Variants in ADAMTSL1 observed in about 807,000 individuals in gnomAD.
The protein encoded by ADAMTSL1 is ADAMTS like 1, also known as ADAMTS-like protein 1.
ADAMTSL1 carries 126 observed loss-of-function variants against 201.8 expected under a neutral mutation model. The observed-to-expected ratio is 0.62, with a 90% confidence interval of 0.54 to 0.72. The LOEUF (loss-of-function observed/expected upper bound fraction) is 0.72, where lower values mean the gene tolerates loss of function less well. Among genes scored for constraint, ADAMTSL1 ranks in the 30% least tolerant of loss-of-function variants. The pLI, the probability that ADAMTSL1 is intolerant of heterozygous loss-of-function variation, is 0.00. For missense variants in ADAMTSL1, 2,679 were observed against 2,277.8 expected, an observed-to-expected ratio of 1.18 and a Z score of -3.59; for synonymous variants, 1,121 against 903.4, an observed-to-expected ratio of 1.24 and a Z score of -4.32.
chr9:18,720,527 T>C (rs1246291298), intron 14 of ADAMTSL1, among the ~76,000 whole-genome samples: 1 of 152,252 alleles, frequency 6.6e-6, no homozygotes, highest in East Asian at 1.9e-4. Flanking sequence ...CTCACGCCTG[T>C]AATCCCAGCA....
chr9:18,517,629 T>G (rs1054892046), intron 2 of ADAMTSL1, among the ~76,000 whole-genome samples: 2 of 145,188 alleles, frequency 1.4e-5, no homozygotes, highest in African/African-American at 5.0e-5. Flanking sequence ...CCATGTGATC[T>G]CATTGTTCAA....
intron 1 of ADAMTSL1, among the ~76,000 whole-genome samples, chr9:17,995,366 T>A (rs1054745567): frequency 6.6e-6 from 1 of 152,128 alleles, no homozygotes; most frequent in Non-Finnish European, 1.5e-5. Context: ...AGATAGATGC[T>A]ACTAAGAAAA....
chr9:18,464,021 G>A (rs1445297744), intron 2 of ADAMTSL1, among the ~76,000 whole-genome samples: 1 of 152,232 alleles, frequency 6.6e-6, no homozygotes, highest in Non-Finnish European at 1.5e-5. Context: ...GGGAATGAAT[G>A]AACAGGATGC....
At chr9:18,648,667 G>A (rs12340707) in intron 7 of ADAMTSL1, among the ~76,000 whole-genome samples, 1 of 150,704 alleles carries the variant, frequency 6.6e-6, no homozygotes, top group Admixed American at 6.6e-5. Context: ...GGCTGGATAT[G>A]AAATTCTGGG....
rs181988081 is a variant in ADAMTSL1 at position 18,562,475 on chromosome 9, G to A, written c.238-11555G>A. On this transcript the variant is annotated intron_variant, in intron 3 of 28. Transcript: ENST00000380548. ...TTTTTTCCTTCATTTCAACCTTGCC[G>A]AATATGACAATTATGTGTCTTGGGG... is the stretch of plus-strand genomic sequence containing the variant. 1.7e-4 allele frequency among the ~76,000 whole-genome samples: 26 copies of A among 152,182 alleles called. No individual in the cohort carries two copies. The East Asian group carries it at 4.1e-3, about 24-fold the overall frequency.
chr9:18,810,318 C>G (rs1458330041), intron 20 of ADAMTSL1, among the ~76,000 whole-genome samples: 1 of 152,120 alleles, frequency 6.6e-6, no homozygotes, highest in Non-Finnish European at 1.5e-5. Flanking sequence ...AGTTTCTGCC[C>G]TTGAACACAG....
chr9:18,088,503 A>G (rs963836419), intron 1 of ADAMTSL1, among the ~76,000 whole-genome samples: 13 of 152,202 alleles, frequency 8.5e-5, no homozygotes, highest in Non-Finnish European at 1.8e-4. Flanking sequence ...TATATTCGAT[A>G]AGGAGTTAAA....
chr9:18,502,232 C>G (rs1192605393), intron 1 of ADAMTSL1, among the ~76,000 whole-genome samples: 3 of 152,196 alleles, frequency 2.0e-5, no homozygotes, highest in Non-Finnish European at 4.4e-5. Context: ...TTTGTAATCA[C>G]TCATTTCAAT....
chr9:18,135,638 CAG>C (rs780460549), intron 1 of ADAMTSL1, among the ~76,000 whole-genome samples: 42 of 152,160 alleles, frequency 2.8e-4, no homozygotes, highest in Admixed American at 2.6e-3. Context: ...AAAAAAAATA[CAG>C]AGTTTTCTTT....
At chr9:17,998,667 AG>A (rs927418332) in intron 1 of ADAMTSL1, among the ~76,000 whole-genome samples, 19 of 152,138 alleles carry the variant, frequency 1.2e-4, no homozygotes, top group African/African-American at 4.6e-4. Context: ...AGTAGTAATG[AG>A]GGGGAAAGTC....
chr9:18,789,931 A>G (rs990060622), intron 19 of ADAMTSL1, among the ~76,000 whole-genome samples: 2 of 152,202 alleles, frequency 1.3e-5, no homozygotes, highest in Non-Finnish European at 2.9e-5. Flanking sequence ...TCCTGTGTTG[A>G]GGCCTACAAT....
At chr9:18,324,614 A>C (rs1244327620) in intron 2 of ADAMTSL1, among the ~76,000 whole-genome samples, 1 of 152,054 alleles carries the variant, frequency 6.6e-6, no homozygotes, top group Non-Finnish European at 1.5e-5. Context: ...AAAATACAAA[A>C]TTAGCCTGGC....
chr9:17,935,328 C>A (rs1475457314), intron 1 of ADAMTSL1, among the ~76,000 whole-genome samples: 1 of 152,116 alleles, frequency 6.6e-6, no homozygotes, highest in African/African-American at 2.4e-5. Context: ...TGGACACTTT[C>A]ATTTTTTTCC....
chr9:18,794,435 A>G (rs1822248306), intron 19 of ADAMTSL1, among the ~76,000 whole-genome samples: 1 of 151,910 alleles, frequency 6.6e-6, no homozygotes, highest in African/African-American at 2.4e-5. Flanking sequence ...AAAACAAAAA[A>G]AAACAAACCT....
intron 2 of ADAMTSL1, among the ~76,000 whole-genome samples, chr9:18,284,597 C>G (rs1407686972): frequency 6.6e-6 from 1 of 152,194 alleles, no homozygotes; most frequent in South Asian, 2.1e-4. Flanking sequence ...ACCAGGCAGT[C>G]TGAGTCCAAA....
chr9:18,292,859 C>G (rs1244359604), intron 2 of ADAMTSL1, among the ~76,000 whole-genome samples: 2 of 152,172 alleles, frequency 1.3e-5, no homozygotes, highest in Non-Finnish European at 2.9e-5. Flanking sequence ...TGCAGATAAC[C>G]TATCATGGGA....
intron 2 of ADAMTSL1, among the ~76,000 whole-genome samples, chr9:18,204,393 C>A (rs1829566064): frequency 6.6e-6 from 1 of 152,066 alleles, no homozygotes; most frequent in Non-Finnish European, 1.5e-5. Flanking sequence ...TTCCACTTTG[C>A]CTTCCACCAT....
chr9:18,306,564 T>A (rs7036384), intron 2 of ADAMTSL1, among the ~76,000 whole-genome samples: 1 of 151,894 alleles, frequency 6.6e-6, no homozygotes, highest in Non-Finnish European at 1.5e-5. Flanking sequence ...ATCAATAGCT[T>A]AATTGATGAA....
At chr9:18,083,709 T>C (rs1823616014) in intron 1 of ADAMTSL1, among the ~76,000 whole-genome samples, 1 of 152,242 alleles carries the variant, frequency 6.6e-6, no homozygotes, top group South Asian at 2.1e-4. Context: ...TTCAGAGTTA[T>C]GTGGACAACC....
Sources: allele counts gnomAD v4.1 joint callset (sites outside exome capture counted in the v4.1 genomes callset), GRCh38; gene constraint gnomAD v4.1.1; transcripts MANE v1.5; gene names NCBI Gene and HGNC (gene_info 2026-07-23, HGNC 2026-07-21).